CHRM5: variants seen among roughly 807,000 people sequenced by gnomAD.
CHRM5 encodes the protein cholinergic receptor muscarinic 5.
In CHRM5, 18 loss-of-function variants were observed where a neutral mutation model predicts 39.0. The observed-to-expected ratio is 0.46, with a 90% confidence interval of 0.32 to 0.68. CHRM5 has a LOEUF of 0.68. Ranked by LOEUF, CHRM5 falls within the 30% of genes least tolerant of loss-of-function variation. The pLI is 0.04. For missense variants in CHRM5, 515 were observed against 651.1 expected (o/e 0.79, Z 2.28); for synonymous variants, 241 against 246.3 (o/e 0.98, Z 0.20).
chr15:34,010,109 A>T (rs978956765), intron 1 of CHRM5, among the ~76,000 whole-genome samples: 5 of 152,222 alleles, frequency 3.3e-5, no homozygotes, highest in Non-Finnish European at 7.3e-5. Context: ...TCAAGCCCCT[A>T]CCTTTAATAT....
intron 1 of CHRM5, among the ~76,000 whole-genome samples, chr15:33,982,517 T>C (rs1283630485): frequency 6.6e-6 from 1 of 152,252 alleles, no homozygotes; most frequent in Non-Finnish European, 1.5e-5. Flanking sequence ...TCAGTCCCAA[T>C]GGTCAAATTC....
At chr15:34,055,267 G>A (rs530137648) in intron 2 of CHRM5, among the ~76,000 whole-genome samples, 1 of 151,832 alleles carries the variant, frequency 6.6e-6, no homozygotes, top group Non-Finnish European at 1.5e-5. Context: ...GGAGGCCGAG[G>A]TGGGTGGATC....
chr15:34,010,879 C>T (rs925630087), intron 1 of CHRM5, among the ~76,000 whole-genome samples: 2 of 152,012 alleles, frequency 1.3e-5, no homozygotes, highest in Non-Finnish European at 2.9e-5. Context: ...ATTTGTAAAC[C>T]TATTAAGGTC....
chr15:33,969,794 G>A (rs77805374), intron 1 of CHRM5, among the ~76,000 whole-genome samples: 2,212 of 152,110 alleles, frequency 0.015, 53 homozygotes, highest in African/African-American at 0.05. Flanking sequence ...AAAGATGTCT[G>A]GTACCTTAAA....
chr15:34,034,809 G>T (rs1899040505), intron 1 of CHRM5, among the ~76,000 whole-genome samples: 1 of 152,204 alleles, frequency 6.6e-6, no homozygotes, highest in Non-Finnish European at 1.5e-5. Context: ...GGATTACCAA[G>T]AACTAATCTT....
chr15:34,021,378 C>T lies in CHRM5; in HGVS notation c.-407-25162C>T, dbSNP rs1488716349. ...TTGGCTCACCACAACCTCTGCCTCCCGGGTTCAAGTGATTCTCCTGCCTCA... is the reference window on the plus strand; with the variant it reads ...TTGGCTCACCACAACCTCTGCCTCCTGGGTTCAAGTGATTCTCCTGCCTCA... On this transcript the variant is annotated intron_variant, in intron 1 of 2. Transcript: ENST00000383263. 5.3e-5 allele frequency among the ~76,000 whole-genome samples: 8 copies of T among 151,754 alleles called. No individual in the cohort carries two copies. In the East Asian group the frequency reaches 1.2e-3, roughly 22 times the overall value.
rs550386244 is a variant in CHRM5, at chr15:33,995,378, A to G, written c.-408+26228A>G. The stretch of plus-strand genomic sequence containing the variant: ...TAGCACTTACATTGCATTAGATATT[A>G]TAAGTGATTTAAAGATGATTTAAAG... On this transcript the variant is annotated intron_variant, in intron 1 of 2. Transcript: ENST00000383263. 8.5e-5 allele frequency among the ~76,000 whole-genome samples: 13 copies of G among 152,360 alleles called. No individual in the cohort carries two copies. The East Asian group carries it at 1.3e-3, about 16-fold the overall frequency.
intron 1 of CHRM5, among the ~76,000 whole-genome samples, chr15:34,027,807 C>A (rs555005683): frequency 1.6e-5 from 2 of 126,596 alleles, no homozygotes; most frequent in Admixed American, 8.8e-5. Context: ...CTACCTGAGG[C>A]AAGGATCAGG....
intron 1 of CHRM5, among the ~76,000 whole-genome samples, chr15:33,981,612 G>C (rs553236763): frequency 6.6e-6 from 1 of 152,274 alleles, no homozygotes; most frequent in South Asian, 2.1e-4. Flanking sequence ...CAGGGGGCGA[G>C]AGTGCAATAT....
intron 1 of CHRM5, among the ~76,000 whole-genome samples, chr15:33,993,138 A>G (rs893205240): frequency 6.6e-6 from 1 of 152,206 alleles, no homozygotes; most frequent in Non-Finnish European, 1.5e-5. Context: ...CATGAATTCA[A>G]TGATTTGACT....
chr15:34,022,561 A>G (rs1191270356), intron 1 of CHRM5, among the ~76,000 whole-genome samples: 2 of 152,196 alleles, frequency 1.3e-5, no homozygotes, highest in Non-Finnish European at 2.9e-5. Context: ...AGGGTACACA[A>G]ACTTTGAGGC....
At chr15:34,008,975 C>T (rs1363394840) in intron 1 of CHRM5, among the ~76,000 whole-genome samples, 1 of 150,020 alleles carries the variant, frequency 6.7e-6, no homozygotes, top group Non-Finnish European at 1.5e-5. Context: ...CACACACACA[C>T]AGACCATCGA....
intron 1 of CHRM5, among the ~76,000 whole-genome samples, chr15:33,984,378 C>T (rs1896327249): frequency 6.6e-6 from 1 of 151,174 alleles, no homozygotes; most frequent in African/African-American, 2.4e-5. Context: ...AGTCACTTTC[C>T]TCACCTGTTA....
chr15:34,064,091 T>G lies in CHRM5; in HGVS notation c.1374T>G (p.Tyr458Ter), dbSNP rs1468799064. 1 of 1,614,184 alleles carries G rather than the reference T, an allele frequency of 6.2e-7. No homozygotes were observed. The highest frequency in any genetic ancestry group is 1.1e-5 in the South Asian group (1 of 91,070). Residue 458 changes from tyrosine (Y) to a stop codon, truncating the protein, a stop_gained, in exon 3 of 3, where the codon TAT (tyrosine) becomes TAG (stop). Coordinates refer to ENST00000383263, the MANE Select transcript of CHRM5 (RefSeq NM_012125.4). LOFTEE classifies it high-confidence loss of function. Reference protein sequence around the residue: ...LLAFIITWTPYNIMVLVSTFC... With the variant: ...LLAFIITWTP The stretch of plus-strand genomic sequence containing the variant: ...CCTTCATCATCACATGGACCCCGTA[T>G]AACATCATGGTCCTGGTTTCTACCT...
chr15:34,050,271 T>C (rs1381580332), intron 2 of CHRM5, among the ~76,000 whole-genome samples: 2 of 152,108 alleles, frequency 1.3e-5, no homozygotes, highest in Admixed American at 6.5e-5. Context: ...AGAAATAAGA[T>C]CCTTTGCAGA....
At chr15:34,036,902 G>T (rs1014838006) in intron 1 of CHRM5, among the ~76,000 whole-genome samples, 1 of 152,114 alleles carries the variant, frequency 6.6e-6, no homozygotes, top group African/African-American at 2.4e-5. Flanking sequence ...CTGAGGTCAG[G>T]AGTTCGAGAC....
chr15:34,043,597 C>T (rs546026716), intron 1 of CHRM5, among the ~76,000 whole-genome samples: 6 of 152,284 alleles, frequency 3.9e-5, no homozygotes, highest in Non-Finnish European at 5.9e-5. Flanking sequence ...AATCCACAGC[C>T]TGTACTCTGG....
At chr15:34,032,488 T>G (rs1898901452) in intron 1 of CHRM5, among the ~76,000 whole-genome samples, 1 of 152,180 alleles carries the variant, frequency 6.6e-6, no homozygotes, top group Admixed American at 6.5e-5. Context: ...TGACAAAACC[T>G]GGAAACCATA....
At chr15:33,995,615 A>C (rs977803166) in intron 1 of CHRM5, among the ~76,000 whole-genome samples, 1 of 152,222 alleles carries the variant, frequency 6.6e-6, no homozygotes, top group African/African-American at 2.4e-5. Context: ...AATTAAACTA[A>C]AGAGTTTCTG....
Sources: gnomAD v4.1 joint callset for allele counts (sites outside exome capture counted in the v4.1 genomes callset) on GRCh38, gnomAD v4.1.1 for gene constraint, MANE v1.5 for transcripts, NCBI Gene and HGNC (gene_info 2026-07-23, HGNC 2026-07-21) for gene names.